The following SYNPO2 variants were observed in gnomAD, a reference collection of about 807,000 sequenced individuals.
SYNPO2 encodes the protein synaptopodin-2.
Under a neutral mutation model 85.0 loss-of-function variants are expected in SYNPO2, and 56 were observed. That is an observed-to-expected ratio of 0.66 (90% CI 0.53 to 0.82). The LOEUF is 0.82. Among genes scored for constraint, SYNPO2 ranks in the 40% least tolerant of loss-of-function variants. The pLI is 0.00. For missense variants in SYNPO2, 1,575 were observed against 1,534.2 expected (o/e 1.03, Z -0.44); for synonymous variants, 602 against 591.1 (o/e 1.02, Z -0.27).
upstream of SYNPO2, among the ~76,000 whole-genome samples, chr4:118,887,883 C>T (rs573628437): frequency 2.4e-4 from 37 of 152,074 alleles, no homozygotes; most frequent in Middle Eastern, 3.4e-3. Flanking sequence ...ACAAACTTTC[C>T]CAGGCTCTTC....
intron 1 of SYNPO2, among the ~76,000 whole-genome samples, chr4:118,914,074 G>C (rs1445514210): frequency 6.6e-6 from 1 of 152,164 alleles, no homozygotes; most frequent in East Asian, 1.9e-4. Context: ...GAAGGATATA[G>C]GATATGGATG....
chr4:119,033,937 C>T (rs1303109433), intron 4 of SYNPO2: 2 of 985,234 alleles, frequency 2.0e-6, no homozygotes, highest in East Asian at 2.3e-4. Flanking sequence ...AACAATGGGG[C>T]TGATTCTTCT....
At chr4:118,947,263 A>G (rs1231298141) in intron 1 of SYNPO2, among the ~76,000 whole-genome samples, 1 of 152,224 alleles carries the variant, frequency 6.6e-6, no homozygotes, top group Non-Finnish European at 1.5e-5. Context: ...GCATATTCGA[A>G]CAATAGGTTG....
intron 1 of SYNPO2, among the ~76,000 whole-genome samples, chr4:119,010,693 A>AT (rs1737263673): frequency 6.6e-6 from 1 of 152,242 alleles, no homozygotes; most frequent in Non-Finnish European, 1.5e-5. Context: ...GTTGGGTTGT[A>AT]ATTATCTACT....
chr4:118,926,158 C>CA (rs1409133436), intron 1 of SYNPO2, among the ~76,000 whole-genome samples: 1 of 152,034 alleles, frequency 6.6e-6, no homozygotes, highest in African/African-American at 2.4e-5. Context: ...ATGGAGAACG[C>CA]AACTGGGGAT....
At chr4:118,956,773 G>A (rs1008218667) in intron 1 of SYNPO2, among the ~76,000 whole-genome samples, 2 of 152,006 alleles carry the variant, frequency 1.3e-5, no homozygotes, top group African/African-American at 4.8e-5. Context: ...GGCTGGACAC[G>A]GTGGCTCATG....
intron 4 of SYNPO2, among the ~76,000 whole-genome samples, chr4:119,048,234 T>C (rs72914841): frequency 0.018 from 2,725 of 152,282 alleles, 58 homozygotes; most frequent in African/African-American, 0.051. Context: ...GTGGGGATAG[T>C]TCTGTTTGTG....
At chr4:119,048,484 T>C (rs1430678937) in intron 4 of SYNPO2, among the ~76,000 whole-genome samples, 1 of 152,088 alleles carries the variant, frequency 6.6e-6, no homozygotes, top group African/African-American at 2.4e-5. Flanking sequence ...GAGAGAAAAA[T>C]AAACAAATGA....
chr4:118,956,475 G>C (rs1734880031), intron 1 of SYNPO2, among the ~76,000 whole-genome samples: 1 of 152,152 alleles, frequency 6.6e-6, no homozygotes, highest in Non-Finnish European at 1.5e-5. Flanking sequence ...TACATAAGTA[G>C]ACTTAACTTT....
intron 1 of SYNPO2, among the ~76,000 whole-genome samples, chr4:118,958,211 A>G (rs944244856): frequency 6.6e-6 from 1 of 152,188 alleles, no homozygotes; most frequent in African/African-American, 2.4e-5. Flanking sequence ...TTATGTTCGC[A>G]TTAGTCCATC....
At chr4:118,937,847 C>T (rs1176772702) in intron 1 of SYNPO2, among the ~76,000 whole-genome samples, 1 of 152,072 alleles carries the variant, frequency 6.6e-6, no homozygotes, top group Non-Finnish European at 1.5e-5. Flanking sequence ...TGCTTGGATA[C>T]CAAAATCTAA....
intron 1 of SYNPO2, among the ~76,000 whole-genome samples, chr4:118,983,471 A>G (rs1302752292): frequency 6.6e-6 from 1 of 152,140 alleles, no homozygotes; most frequent in East Asian, 1.9e-4. Context: ...AGGTGGCTCA[A>G]TGGTTTCTTC....
chr4:119,038,531 C>G (rs1176332087), intron 4 of SYNPO2: 4 of 985,324 alleles, frequency 4.1e-6, no homozygotes, highest in Non-Finnish European at 4.8e-6. Context: ...GAAGTGCTCC[C>G]TTTGGCTTTC....
intron 1 of SYNPO2, among the ~76,000 whole-genome samples, chr4:118,975,506 C>T (rs1460913163): frequency 6.6e-6 from 1 of 152,098 alleles, no homozygotes; most frequent in Non-Finnish European, 1.5e-5. Flanking sequence ...TATCTACTAA[C>T]AAGTGGTAGC....
chr4:119,010,511 C>G (rs139365911), intron 1 of SYNPO2, among the ~76,000 whole-genome samples: 2 of 152,310 alleles, frequency 1.3e-5, no homozygotes, highest in East Asian at 1.9e-4. Flanking sequence ...AGGTCCCCCC[C>G]ACAACATGTG....
At position 118,924,628 on chromosome 4, in the gene SYNPO2, C is replaced by G. The variant is rs552707176; in HGVS notation, c.105+35487C>G. ...CTTGACAGGCACTTGGCCTTTGGCC[C>G]TATCCTGAGATATATGGCACACTTC... On this transcript the variant is annotated intron_variant, in intron 1 of 4. Transcript: ENST00000307142. Among the ~76,000 whole-genome samples the G allele has an allele frequency of 2.6e-5, 4 of 152,290 alleles. No individual in the cohort carries two copies. In the South Asian group the frequency reaches 8.3e-4, roughly 32 times the overall value.
intron 1 of SYNPO2, among the ~76,000 whole-genome samples, chr4:118,959,416 A>T (rs1323665699): frequency 6.6e-6 from 1 of 152,232 alleles, no homozygotes; most frequent in African/African-American, 2.4e-5. Context: ...GGCACAAAAT[A>T]AAAAAGGGCT....
chr4:118,902,426 CAA>C (rs1732788992), intron 1 of SYNPO2, among the ~76,000 whole-genome samples: 1 of 152,088 alleles, frequency 6.6e-6, no homozygotes, highest in Non-Finnish European at 1.5e-5. Flanking sequence ...TGGCAGCAGA[CAA>C]GAGAGAATGA....
rs183620653 is a variant in SYNPO2 at position 118,953,077 on chromosome 4, A to G, written c.105+63936A>G. Among the ~76,000 whole-genome samples, 10 of 152,274 alleles carry G rather than the reference A, an allele frequency of 6.6e-5. 1 individual carries two copies. The highest frequency in any genetic ancestry group is 2.2e-4 in the African/African-American group (9 of 41,570). ...AGAAAACAAGATTATAGTTCCCTCA[A>G]TGTAACTAACAGAAGTGACCTTGGA... On this transcript the variant is annotated intron_variant, in intron 1 of 4. Transcript: ENST00000307142.
Sources: allele counts gnomAD v4.1 joint callset (sites outside exome capture counted in the v4.1 genomes callset), GRCh38; gene constraint gnomAD v4.1.1; transcripts MANE v1.5; gene names NCBI Gene and HGNC (gene_info 2026-07-23, HGNC 2026-07-21).